Variants in WDR49 observed in about 807,000 individuals in gnomAD.
WDR49 encodes WD repeat domain 49, also known as cilia- and flagella-associated protein 337.
Under a neutral mutation model 119.5 loss-of-function variants are expected in WDR49, and 107 were observed. The observed-to-expected ratio is 0.90, with a 90% confidence interval of 0.77 to 1.05. The LOEUF is 1.05. Ranked by LOEUF, WDR49 falls within the 50% of genes least tolerant of loss-of-function variation. WDR49 has a pLI of 0.00. For synonymous variants in WDR49, 425 were observed against 418.8 expected (o/e 1.01, Z -0.18); for missense variants, 1,240 against 1,220.5 (o/e 1.02, Z -0.24).
At chr3:167,507,431 T>A (rs964635807) in intron 16 of WDR49, among the ~76,000 whole-genome samples, 1 of 152,138 alleles carries the variant, frequency 6.6e-6, no homozygotes, top group African/African-American at 2.4e-5. Flanking sequence ...TCTACAAAAA[T>A]AAGAAGTTGG....
At chr3:167,595,780 AG>A (rs1277122864) in intron 7 of WDR49, among the ~76,000 whole-genome samples, 2 of 151,898 alleles carry the variant, frequency 1.3e-5, no homozygotes, top group Admixed American at 1.3e-4. Flanking sequence ...AAGAAAACCT[AG>A]GCATTACCAT....
intron 1 of WDR49, 90 bp from the exon 2 acceptor site, chr3:167,653,589 C>G (rs1718490640): frequency 1.3e-6 from 1 of 760,832 alleles, no homozygotes; most frequent in African/African-American, 1.8e-5. Flanking sequence ...AATGTTCAAG[C>G]TGAGGTAGGA....
intron 3 of WDR49, among the ~76,000 whole-genome samples, chr3:167,622,022 A>G (rs116240517): frequency 0.016 from 2,460 of 152,282 alleles, 32 homozygotes; most frequent in Non-Finnish European, 0.023. Context: ...AGAGACTTTC[A>G]TGGAAATCAT....
At chr3:167,482,586 G>A (rs1667579952) in intron 18 of WDR49, among the ~76,000 whole-genome samples, 1 of 151,778 alleles carries the variant, frequency 6.6e-6, no homozygotes, top group South Asian at 2.1e-4. Context: ...GGCTGAGGCA[G>A]GAGAATGGCG....
Position 167,527,735 on chromosome 3 carries a change from G to C in WDR49, c.2604+85C>G, listed in dbSNP as rs1008046619. ...TTTCATGACTAATGAACATTAAACA[G>C]CTGATGAGATTCAAATAGAAATCAG... On this transcript the variant is annotated intron_variant, in intron 15 of 18. Coordinates refer to ENST00000682715, the MANE Select transcript of WDR49 (RefSeq NM_001366157.1). 4 of 1,328,016 alleles carry C rather than the reference G, an allele frequency of 3.0e-6. No individual in the cohort carries two copies. The Admixed American group carries it at 9.2e-5, about 31-fold the overall frequency. 82.3% of individuals were successfully genotyped at this position (1,328,016 alleles called of 1,614,324 possible).
chr3:167,571,360 T>G (rs1255570879), intron 8 of WDR49, among the ~76,000 whole-genome samples: 1 of 152,136 alleles, frequency 6.6e-6, no homozygotes, highest in East Asian at 1.9e-4. Context: ...ATATTAGAGG[T>G]TAGAAGCAGG....
chr3:167,569,680 C>CA (rs199809894), intron 8 of WDR49, among the ~76,000 whole-genome samples: 1,917 of 96,620 alleles, frequency 0.02, 41 homozygotes, highest in African/African-American at 0.053. Context: ...CTGGACACAG[C>CA]AAAAAAAAAA....
intron 5 of WDR49, among the ~76,000 whole-genome samples, chr3:167,615,712 C>T (rs974767743): frequency 3.3e-5 from 5 of 152,126 alleles, no homozygotes; most frequent in South Asian, 2.1e-4. Context: ...TAATGTAATG[C>T]TTTCGCAGGA....
chr3:167,535,102 G>C (rs1302949172), intron 11 of WDR49, among the ~76,000 whole-genome samples: 1 of 152,098 alleles, frequency 6.6e-6, no homozygotes, highest in Non-Finnish European at 1.5e-5. Context: ...ACAAAATTAT[G>C]ATTTAGAGTT....
At position 167,653,301 on chromosome 3, in the gene WDR49, A is replaced by G; in HGVS notation, c.125T>C (p.Leu42Pro). The G allele has an allele frequency of 6.5e-7, 1 of 1,536,168 alleles. No individual in the cohort carries two copies. Among genetic ancestry groups the G allele is most frequent in the Non-Finnish European group, 8.7e-7 (1 of 1,146,900 alleles). The change falls in exon 2 of 19, where the codon CTC becomes CCC. Residue 42 changes from leucine (L) to proline (P), a missense_variant. By Grantham distance (98) the Leu-to-Pro change is moderately conservative. Transcript: ENST00000682715. ...TATTTTTACAAAGTCACCCACGCTG[A>G]GTTGGTTTTCAAGCAGGCCTGTGCC... ...DYGTGLLENQ[L>P]SVGDFVKIQK...
At chr3:167,566,980 G>A (rs1713644114) in intron 8 of WDR49, 1 of 552,330 alleles carries the variant, frequency 1.8e-6, no homozygotes, top group Non-Finnish European at 3.2e-6. Context: ...AGGGAGGCAG[G>A]AGGTCAGGAG....
chr3:167,638,565 C>T (rs771185954), intron 2 of WDR49, among the ~76,000 whole-genome samples: 4 of 151,506 alleles, frequency 2.6e-5, no homozygotes, highest in South Asian at 2.1e-4. Flanking sequence ...ATTCTGTGAA[C>T]GTCTCCTGGA....
At chr3:167,611,877 A>T (rs769450554) in intron 5 of WDR49, among the ~76,000 whole-genome samples, 4 of 152,196 alleles carry the variant, frequency 2.6e-5, no homozygotes, top group East Asian at 1.9e-4. Context: ...ATAGGCCTTG[A>T]TACAATAATA....
At chr3:167,561,060 A>G (rs1306102633) in intron 8 of WDR49, among the ~76,000 whole-genome samples, 1 of 152,246 alleles carries the variant, frequency 6.6e-6, no homozygotes, top group Non-Finnish European at 1.5e-5. Flanking sequence ...CAATATGTAG[A>G]TTTTAAGGAA....
intron 6 of WDR49, among the ~76,000 whole-genome samples, chr3:167,602,836 C>T (rs1715847717): frequency 6.6e-6 from 1 of 152,034 alleles, no homozygotes; most frequent in South Asian, 2.1e-4. Context: ...TTTTACTGTA[C>T]CTTTTATATG....
At chr3:167,592,506 C>T (rs1431012026) in intron 7 of WDR49, among the ~76,000 whole-genome samples, 1 of 150,624 alleles carries the variant, frequency 6.6e-6, no homozygotes, top group Admixed American at 6.6e-5. Flanking sequence ...ACCATCTCAG[C>T]TCACTGAAAC....
rs534771899 is a variant in WDR49, at chr3:167,592,442, T to C, written c.1275+9685A>G. 2.0e-4 allele frequency among the ~76,000 whole-genome samples: 30 copies of C among 150,158 alleles called. No homozygotes were observed. The South Asian group carries it at 5.4e-3, about 27-fold the overall frequency. On this transcript the variant is annotated intron_variant, in intron 7 of 18. Coordinates refer to ENST00000682715, the MANE Select transcript of WDR49 (RefSeq NM_001366157.1). ...GATGATTTCTTTTTCTTTTTCTTTT[T>C]TTTTTTTTTTTGAGATGGAGTCTCA...
intron 7 of WDR49, among the ~76,000 whole-genome samples, chr3:167,592,785 C>T (rs1386966919): frequency 6.6e-6 from 1 of 152,126 alleles, no homozygotes; most frequent in Non-Finnish European, 1.5e-5. Context: ...TGAAGAACTC[C>T]CTCTAGCACT....
At chr3:167,492,778 T>C (rs1751195073) in intron 18 of WDR49, among the ~76,000 whole-genome samples, 1 of 152,144 alleles carries the variant, frequency 6.6e-6, no homozygotes, top group African/African-American at 2.4e-5. Flanking sequence ...TTTATACATT[T>C]ATCGTTTCCA....
Sources: allele counts gnomAD v4.1 joint callset (sites outside exome capture counted in the v4.1 genomes callset), GRCh38; gene constraint gnomAD v4.1.1; transcripts MANE v1.5; gene names NCBI Gene and HGNC (gene_info 2026-07-23, HGNC 2026-07-21).